Variants in GALNTL6 observed in about 807,000 individuals in gnomAD.
GALNTL6 encodes the protein polypeptide N-acetylgalactosaminyltransferase like 6.
A neutral mutation model predicts 73.7 loss-of-function variants in GALNTL6; 46 were observed. The observed-to-expected ratio is 0.62, with a 90% CI of 0.49 to 0.80. The LOEUF (loss-of-function observed/expected upper bound fraction) is 0.80. Among genes scored for constraint, GALNTL6 ranks in the 30% least tolerant of loss-of-function variants. The probability of loss-of-function intolerance (pLI) is 0.00; values close to 1 mark genes in which losing one functional copy is unlikely to be tolerated. For synonymous variants in GALNTL6, 259 were observed against 263.7 expected (o/e 0.98, Z 0.17); for missense variants, 604 against 755.0 (o/e 0.80, Z 2.34).
intron 7 of GALNTL6, among the ~76,000 whole-genome samples, chr4:172,849,589 C>T (rs920039675): frequency 1.6e-4 from 24 of 152,134 alleles, no homozygotes; most frequent in African/African-American, 5.8e-4. Flanking sequence ...ATATGATTCA[C>T]TTTAAGTAAA....
At chr4:172,540,441 T>G (rs1292183541) in intron 5 of GALNTL6, among the ~76,000 whole-genome samples, 1 of 151,888 alleles carries the variant, frequency 6.6e-6, no homozygotes, top group Non-Finnish European at 1.5e-5. Flanking sequence ...CTTCTCCTAT[T>G]AATGCAAAAA....
At chr4:172,487,371 T>G (rs530139699) in intron 5 of GALNTL6, among the ~76,000 whole-genome samples, 8 of 145,482 alleles carry the variant, frequency 5.5e-5, no homozygotes, top group Admixed American at 4.2e-4. Context: ...TCTTTCCTTC[T>G]TTTCTTTTCT....
rs1003741663 is a variant in GALNTL6, at chr4:172,534,455, C to G, written c.553+185766C>G. Among the ~76,000 whole-genome samples, 9 of 152,298 alleles carry G rather than the reference C, an allele frequency of 5.9e-5. No individual in the cohort carries two copies. In the East Asian group the frequency reaches 1.2e-3, roughly 20 times the overall value. ...AGCAAATCTGGAAAGCAACTAAAAACATGCTACTCAAAGAAATTGACTCTA... is the reference window on the plus strand; with the variant it reads ...AGCAAATCTGGAAAGCAACTAAAAAGATGCTACTCAAAGAAATTGACTCTA... On this transcript the variant is annotated intron_variant, in intron 5 of 12. Coordinates refer to ENST00000506823, the MANE Select transcript of GALNTL6 (RefSeq NM_001034845.3).
chr4:171,885,663 T>C (rs112346935), intron 2 of GALNTL6, among the ~76,000 whole-genome samples: 1 of 151,830 alleles, frequency 6.6e-6, no homozygotes, highest in Non-Finnish European at 1.5e-5. Context: ...AATATTAACC[T>C]AGCACAGTGG....
intron 5 of GALNTL6, among the ~76,000 whole-genome samples, chr4:172,542,313 C>T (rs755750140): frequency 6.6e-6 from 1 of 152,064 alleles, no homozygotes; most frequent in African/African-American, 2.4e-5. Context: ...TCCAGTTGAT[C>T]GCTGCCATCT....
intron 2 of GALNTL6, among the ~76,000 whole-genome samples, chr4:171,868,447 G>C (rs955392178): frequency 6.6e-6 from 1 of 152,088 alleles, no homozygotes; most frequent in Non-Finnish European, 1.5e-5. Context: ...CGGCAAAGTC[G>C]TCTCTTCTCT....
At chr4:172,308,740 A>G (rs1740248153) in intron 3 of GALNTL6, among the ~76,000 whole-genome samples, 1 of 152,160 alleles carries the variant, frequency 6.6e-6, no homozygotes, top group Non-Finnish European at 1.5e-5. Flanking sequence ...CCTTACAGCA[A>G]ATTTTGTCAT....
intron 5 of GALNTL6, among the ~76,000 whole-genome samples, chr4:172,663,762 C>G (rs1731509002): frequency 6.6e-6 from 1 of 152,090 alleles, no homozygotes; most frequent in South Asian, 2.1e-4. Context: ...AACCCCATCT[C>G]TACTAAAAAT....
chr4:172,262,478 C>A (rs7655888), intron 3 of GALNTL6, among the ~76,000 whole-genome samples: 1 of 151,398 alleles, frequency 6.6e-6, no homozygotes, highest in South Asian at 2.1e-4. Flanking sequence ...TGTGGAATAT[C>A]TTTTTCCACC....
intron 5 of GALNTL6, among the ~76,000 whole-genome samples, chr4:172,390,804 T>A (rs1743640902): frequency 6.6e-6 from 1 of 152,326 alleles, no homozygotes; most frequent in Non-Finnish European, 1.5e-5. Flanking sequence ...AATAGTGTTA[T>A]ATTTAAACAC....
intron 5 of GALNTL6, among the ~76,000 whole-genome samples, chr4:172,561,521 A>G (rs544789753): frequency 6.6e-6 from 1 of 152,194 alleles, no homozygotes; most frequent in Non-Finnish European, 1.5e-5. Flanking sequence ...ATTATTTAGT[A>G]ATTATATTAT....
At chr4:172,228,150 A>AT (rs1346629898) in intron 2 of GALNTL6, among the ~76,000 whole-genome samples, 2 of 152,062 alleles carry the variant, frequency 1.3e-5, no homozygotes, top group South Asian at 4.1e-4. Context: ...AAAATGTTTG[A>AT]TTTTTTTAAA....
chr4:172,276,658 T>C (rs1394917762), intron 3 of GALNTL6, among the ~76,000 whole-genome samples: 2 of 152,144 alleles, frequency 1.3e-5, no homozygotes, highest in Non-Finnish European at 2.9e-5. Context: ...TAACTTTTTT[T>C]TTTCAATCAC....
At chr4:172,535,582 A>G (rs1735319244) in intron 5 of GALNTL6, among the ~76,000 whole-genome samples, 1 of 152,226 alleles carries the variant, frequency 6.6e-6, no homozygotes, top group Non-Finnish European at 1.5e-5. Context: ...TAACCACATC[A>G]TTACATTAAA....
chr4:172,112,831 C>T (rs1732890672), intron 2 of GALNTL6, among the ~76,000 whole-genome samples: 1 of 151,536 alleles, frequency 6.6e-6, no homozygotes. Flanking sequence ...GATTCCTTAC[C>T]CTTTTAACCA....
chr4:172,580,347 G>A (rs191424153), intron 5 of GALNTL6, among the ~76,000 whole-genome samples: 1 of 152,226 alleles, frequency 6.6e-6, no homozygotes, highest in East Asian at 1.9e-4. Context: ...AAATTATCAA[G>A]ATTGACTAAA....
chr4:172,156,715 AC>A, intron 2 of GALNTL6, among the ~76,000 whole-genome samples: 1 of 151,534 alleles, frequency 6.6e-6, no homozygotes, highest in African/African-American at 2.4e-5. Context: ...GGGAGCCATG[AC>A]CCTTAAATGT....
At chr4:171,843,658 T>C (rs369451310) in intron 2 of GALNTL6, among the ~76,000 whole-genome samples, 2 of 152,266 alleles carry the variant, frequency 1.3e-5, no homozygotes, top group African/African-American at 4.8e-5. Context: ...TGTGCATGCA[T>C]ATGTATGTGT....
intron 5 of GALNTL6, among the ~76,000 whole-genome samples, chr4:172,562,884 C>T (rs1736426218): frequency 6.6e-6 from 1 of 152,148 alleles, no homozygotes; most frequent in African/African-American, 2.4e-5. Context: ...GGAAAGTGTA[C>T]ACATGGTTGA....
Sources: gnomAD v4.1 joint callset for allele counts (sites outside exome capture counted in the v4.1 genomes callset) on GRCh38, gnomAD v4.1.1 for gene constraint, MANE v1.5 for transcripts, NCBI Gene and HGNC (gene_info 2026-07-23, HGNC 2026-07-21) for gene names.